OSBPL1A: variants seen among roughly 807,000 people sequenced by gnomAD.
The protein encoded by OSBPL1A is oxysterol binding protein like 1A.
In OSBPL1A, 80 loss-of-function variants were observed where a neutral mutation model predicts 137.1. That is an observed-to-expected ratio of 0.58 (90% CI 0.49 to 0.70). OSBPL1A has a LOEUF of 0.70. Among genes scored for constraint, OSBPL1A ranks in the 30% least tolerant of loss-of-function variants. The pLI is 0.00. For missense variants in OSBPL1A, 970 were observed against 1,129.4 expected (o/e 0.86, Z 2.02); for synonymous variants, 365 against 389.7 (o/e 0.94, Z 0.75).
intron 15 of OSBPL1A, among the ~76,000 whole-genome samples, chr18:24,248,897 T>A (rs1024512064): frequency 6.6e-6 from 1 of 152,242 alleles, no homozygotes; most frequent in African/African-American, 2.4e-5. Context: ...AGACTAGCAC[T>A]ATACACAAAT....
chr18:24,317,355 G>A lies in OSBPL1A; in HGVS notation c.778C>T (p.His260Tyr). ...TTCCTATACCATGAAAGGACTCCATGCTCTAACACTACCCAGAATAATCTC... is the reference window on the plus strand; with the variant it reads ...TTCCTATACCATGAAAGGACTCCATACTCTAACACTACCCAGAATAATCTC... ...GWRLFWVVLE[H>Y]GVLSWYRKQP... Residue 260 changes from histidine (H) to tyrosine (Y), a missense_variant, in exon 10 of 28, where the codon CAT (histidine) becomes TAT (tyrosine). This residue lies in a region of OSBPL1A where 647 missense variants were observed against 672.6 expected (regional missense o/e 0.96). Transcript: ENST00000319481. 1 of 1,613,680 alleles carries A rather than the reference G, an allele frequency of 6.2e-7. No individual in the cohort carries two copies. The highest frequency in any genetic ancestry group is 8.5e-7 in the Non-Finnish European group (1 of 1,179,728).
In OSBPL1A at chr18:24,271,919, C is replaced by T; in HGVS notation, c.1281+8923G>A. The T allele has an allele frequency of 1.0e-6, 1 of 983,962 alleles. No individual in the cohort carries two copies. Among genetic ancestry groups the T allele is most frequent in the African/African-American group, 1.7e-5 (1 of 57,182 alleles). 61.0% of individuals were successfully genotyped at this position (983,962 alleles called of 1,614,324 possible). A position where few individuals can be genotyped will look rare whatever the true frequency, so the allele number is the denominator to read the frequency against. On this transcript the variant is annotated intron_variant, in intron 15 of 27. Coordinates refer to ENST00000319481, the MANE Select transcript of OSBPL1A (RefSeq NM_080597.4). This position sits in a 1 kb window ranked among gnomAD's most constrained non-coding sequence, Gnocchi z 4.0. ...CCCGCCCGGGCCGCAGAGGTCTGCGCTGCCCCTCCGCCGCCGCTGGCTCGG... is the reference window on the plus strand; with the variant it reads ...CCCGCCCGGGCCGCAGAGGTCTGCGTTGCCCCTCCGCCGCCGCTGGCTCGG...
At chr18:24,284,609 C>A (rs921341177) in intron 14 of OSBPL1A, among the ~76,000 whole-genome samples, 1 of 135,438 alleles carries the variant, frequency 7.4e-6, no homozygotes, top group Non-Finnish European at 1.6e-5. Flanking sequence ...TACAGACAAC[C>A]TCCACTGTTA....
chr18:24,295,691 C>G (rs1267555003), intron 14 of OSBPL1A, among the ~76,000 whole-genome samples: 1 of 152,158 alleles, frequency 6.6e-6, no homozygotes, highest in Non-Finnish European at 1.5e-5. Context: ...GCTATATAAA[C>G]TGAATAGGCT....
intron 18 of OSBPL1A, among the ~76,000 whole-genome samples, chr18:24,181,635 G>A (rs1487423606): frequency 6.6e-6 from 1 of 152,168 alleles, no homozygotes; most frequent in African/African-American, 2.4e-5. Flanking sequence ...CTTCATAGTG[G>A]TGTTAAAATA....
Position 24,301,824 on chromosome 18 carries a change from A to T in OSBPL1A, c.1174+1813T>A, listed in dbSNP as rs78656899. Among the ~76,000 whole-genome samples the T allele has an allele frequency of 4.6e-3, 698 of 152,378 alleles. 7 individuals are homozygous for T. Among genetic ancestry groups the T allele is most frequent in the African/African-American group, 0.016 (674 of 41,590 alleles). ...AGATGCCATAGGTACACTTGGACAGATACAGAATACTTATGGTCCATTTAC... is the reference window on the plus strand; with the variant it reads ...AGATGCCATAGGTACACTTGGACAGTTACAGAATACTTATGGTCCATTTAC... On this transcript the variant is annotated intron_variant, in intron 14 of 27. Transcript: ENST00000319481.
At chr18:24,221,443 T>C (rs1440788057) in intron 17 of OSBPL1A, among the ~76,000 whole-genome samples, 1 of 152,226 alleles carries the variant, frequency 6.6e-6, no homozygotes, top group Non-Finnish European at 1.5e-5. Context: ...GAAGGCTTTA[T>C]TCAAGCTAAT....
At chr18:24,281,057 A>G (rs988521049) in intron 14 of OSBPL1A, 109 bp from the exon 15 acceptor site, 3 of 616,542 alleles carry the variant, frequency 4.9e-6, no homozygotes, top group East Asian at 3.2e-5. Flanking sequence ...CCATCTAGCT[A>G]TCTTAAGCAA....
chr18:24,305,835 A>C (rs1383955243), intron 13 of OSBPL1A, among the ~76,000 whole-genome samples: 4 of 152,126 alleles, frequency 2.6e-5, no homozygotes, highest in Non-Finnish European at 5.9e-5. Context: ...ATGGTTTTAT[A>C]AAGGGGAGTT....
At chr18:24,276,054 C>T (rs2089840002) in intron 15 of OSBPL1A, among the ~76,000 whole-genome samples, 1 of 151,976 alleles carries the variant, frequency 6.6e-6, no homozygotes, top group Non-Finnish European at 1.5e-5. Context: ...AGTTGGGTCA[C>T]AGCTTTTCAG....
At chr18:24,183,704 G>A (rs191955304) in intron 18 of OSBPL1A, among the ~76,000 whole-genome samples, 1 of 152,272 alleles carries the variant, frequency 6.6e-6, no homozygotes, top group East Asian at 1.9e-4. Flanking sequence ...CCAAAGTGCT[G>A]GGATTACAGG....
At chr18:24,295,145 TTCCA>T (rs1184502819) in intron 14 of OSBPL1A, among the ~76,000 whole-genome samples, 1 of 152,350 alleles carries the variant, frequency 6.6e-6, no homozygotes, top group East Asian at 1.9e-4. Context: ...TGGTTTGGAT[TTCCA>T]TTTCCATGAT....
At chr18:24,346,211 T>C (rs1183972187) in intron 4 of OSBPL1A, among the ~76,000 whole-genome samples, 1 of 152,172 alleles carries the variant, frequency 6.6e-6, no homozygotes, top group Non-Finnish European at 1.5e-5. Flanking sequence ...CATTCCCTTA[T>C]TGAGCCATTA....
chr18:24,369,824 A>T (rs1297423759), intron 2 of OSBPL1A, among the ~76,000 whole-genome samples: 2 of 152,188 alleles, frequency 1.3e-5, no homozygotes, highest in Non-Finnish European at 2.9e-5. Context: ...TTCTTAGTGA[A>T]ACCTAGCTCA....
chr18:24,277,450 G>A (rs1268280844), intron 15 of OSBPL1A, among the ~76,000 whole-genome samples: 4 of 152,172 alleles, frequency 2.6e-5, no homozygotes, highest in Non-Finnish European at 4.4e-5. Flanking sequence ...TCCCTGTTTC[G>A]TGCCAGTCCC....
intron 15 of OSBPL1A, among the ~76,000 whole-genome samples, chr18:24,274,568 A>G (rs1168432595): frequency 6.6e-6 from 1 of 152,162 alleles, no homozygotes; most frequent in Non-Finnish European, 1.5e-5. Flanking sequence ...GCAGAAACCT[A>G]GGTAATACTA....
chr18:24,194,759 C>T (rs1334408717), intron 18 of OSBPL1A, among the ~76,000 whole-genome samples: 1 of 152,188 alleles, frequency 6.6e-6, no homozygotes, highest in Non-Finnish European at 1.5e-5. Flanking sequence ...AATTATGATG[C>T]TAGTTCTACA....
chr18:24,300,386 T>C (rs2090376016), intron 14 of OSBPL1A, among the ~76,000 whole-genome samples: 1 of 152,220 alleles, frequency 6.6e-6, no homozygotes. Context: ...TATTCTCTAG[T>C]TGCAAGGATT....
Position 24,271,822 on chromosome 18 carries a change from G to T in OSBPL1A, c.1281+9020C>A. 1.0e-6 allele frequency: 1 copy of T among 985,422 alleles called. No homozygotes were observed. Among genetic ancestry groups the T allele is most frequent in the East Asian group, 1.1e-4 (1 of 8,804 alleles). The allele number at this position is 985,422 out of a possible 1,614,324, so 61.0% of individuals were successfully genotyped here. On this transcript the variant is annotated intron_variant, in intron 15 of 27. Coordinates refer to ENST00000319481, the MANE Select transcript of OSBPL1A (RefSeq NM_080597.4). This position sits in a 1 kb window ranked among gnomAD's most constrained non-coding sequence, Gnocchi z 4.0. ...GCCTGCCCCTGGCTCCGGCCGGGCA[G>T]CAGCGCCAGCCTTCCCCAGCGAGGT...
Sources: gnomAD v4.1 joint callset for allele counts (sites outside exome capture counted in the v4.1 genomes callset) on GRCh38, gnomAD v4.1.1 for gene constraint, gnomAD v4.1.1 regional missense constraint, Gnocchi (gnomAD v3.1) non-coding constraint, MANE v1.5 for transcripts, NCBI Gene and HGNC (gene_info 2026-07-23, HGNC 2026-07-21) for gene names.